ARHGAP28: variants seen among roughly 807,000 people sequenced by gnomAD.
ARHGAP28 encodes the protein rho GTPase-activating protein 28.
Under a neutral mutation model 90.7 loss-of-function variants are expected in ARHGAP28, and 56 were observed. That is an observed-to-expected ratio of 0.62 (90% CI 0.50 to 0.77). The LOEUF is 0.77. ARHGAP28 is among the 30% of genes least tolerant of loss of function. The probability of loss-of-function intolerance (pLI) is 0.00; values close to 1 mark genes in which losing one functional copy is unlikely to be tolerated. For synonymous variants in ARHGAP28, 308 were observed against 323.3 expected, an observed-to-expected ratio of 0.95 and a Z score of 0.51; for missense variants, 869 against 900.9, an observed-to-expected ratio of 0.96 and a Z score of 0.45.
At chr18:6,771,288 C>T (rs763195525) in intron 1 of ARHGAP28, among the ~76,000 whole-genome samples, 11 of 152,064 alleles carry the variant, frequency 7.2e-5, no homozygotes, top group Non-Finnish European at 1.3e-4. Flanking sequence ...AATTAAATCC[C>T]CCTGCCTCAG....
intron 16 of ARHGAP28, among the ~76,000 whole-genome samples, chr18:6,904,062 A>G (rs2057352225): frequency 6.6e-6 from 1 of 152,174 alleles, no homozygotes; most frequent in African/African-American, 2.4e-5. Flanking sequence ...AGCAAAATAA[A>G]AAAAATACCT....
intron 1 of ARHGAP28, among the ~76,000 whole-genome samples, chr18:6,754,252 C>A (rs2056092019): frequency 1.3e-5 from 2 of 152,118 alleles, no homozygotes; most frequent in Non-Finnish European, 2.9e-5. Context: ...AACGGTACCA[C>A]AAATCCAACA....
intron 1 of ARHGAP28, among the ~76,000 whole-genome samples, chr18:6,763,873 C>T (rs542979027): frequency 2.0e-5 from 3 of 152,310 alleles, no homozygotes; most frequent in Non-Finnish European, 2.9e-5. Context: ...TCCCTCTTCT[C>T]TCTCCACAGT....
At chr18:6,858,148 G>A (rs1346040642) in intron 4 of ARHGAP28, among the ~76,000 whole-genome samples, 3 of 151,326 alleles carry the variant, frequency 2.0e-5, no homozygotes, top group Non-Finnish European at 2.9e-5. Context: ...AATTTAGATC[G>A]CTTTTTTTTT....
chr18:6,859,152 A>C lies in ARHGAP28; in HGVS notation c.637-656A>C, dbSNP rs994153379. Among the ~76,000 whole-genome samples, 8 of 152,312 alleles carry C rather than the reference A, an allele frequency of 5.3e-5. 1 individual carries two copies. Among genetic ancestry groups the C allele is most frequent in the Admixed American group, 2.0e-4 (3 of 15,300 alleles). Reference sequence around the variant, plus strand: ...ATTCTATTCACTACAAAAAACAGTCATAGAATCTGCTAAAAAAAAATTATG... The same window carrying C: ...ATTCTATTCACTACAAAAAACAGTCCTAGAATCTGCTAAAAAAAAATTATG... On this transcript the variant is annotated intron_variant, in intron 4 of 17. Coordinates refer to ENST00000383472, the MANE Select transcript of ARHGAP28 (RefSeq NM_001366230.1).
intron 3 of ARHGAP28, among the ~76,000 whole-genome samples, chr18:6,841,188 T>TCTCTCTC (rs2056816992): frequency 1.7e-5 from 1 of 60,512 alleles, no homozygotes; most frequent in African/African-American, 9.4e-5. Context: ...CTCCTCTCTC[T>TCTCTCTC]CTCTCTCTCT....
At chr18:6,849,725 T>C (rs1007786899) in intron 3 of ARHGAP28, among the ~76,000 whole-genome samples, 2 of 152,208 alleles carry the variant, frequency 1.3e-5, no homozygotes, top group Non-Finnish European at 1.5e-5. Context: ...CTAAAACTTA[T>C]TCCTTTATTT....
At chr18:6,885,548 A>G (rs540860923) in intron 11 of ARHGAP28, among the ~76,000 whole-genome samples, 99 of 152,296 alleles carry the variant, frequency 6.5e-4, no homozygotes, top group African/African-American at 2.3e-3. Flanking sequence ...CTTTCATTAC[A>G]TGCTTAATAA....
At chr18:6,742,708 G>A (rs1014879364) in intron 1 of ARHGAP28, among the ~76,000 whole-genome samples, 1 of 152,182 alleles carries the variant, frequency 6.6e-6, no homozygotes, top group Non-Finnish European at 1.5e-5. Context: ...AGCATTTGGG[G>A]GATGGTTAAA....
intron 3 of ARHGAP28, among the ~76,000 whole-genome samples, chr18:6,841,208 C>CCTCTCTCTCTCTCTCTCTCTCT (rs369622522): frequency 1.9e-4 from 8 of 43,136 alleles, no homozygotes; most frequent in Non-Finnish European, 3.6e-4. Flanking sequence ...TCTCTCCTCT[C>CCTCTCTCTCTCTCTCTCTCTCT]CTCTCTCTCT....
chr18:6,743,004 G>A (rs902486570), intron 1 of ARHGAP28, among the ~76,000 whole-genome samples: 1 of 152,162 alleles, frequency 6.6e-6, no homozygotes, highest in African/African-American at 2.4e-5. Context: ...GTTTAATAGA[G>A]TTGTAGAGGT....
chr18:6,863,628 CT>C (rs1290000977), intron 5 of ARHGAP28, among the ~76,000 whole-genome samples: 1 of 151,676 alleles, frequency 6.6e-6, no homozygotes, highest in Non-Finnish European at 1.5e-5. Context: ...ACTCTGGGTT[CT>C]TTTCTGTACC....
At chr18:6,870,534 G>T in intron 6 of ARHGAP28, 56 bp from the exon 7 acceptor site, 2 of 1,477,138 alleles carry the variant, frequency 1.4e-6, no homozygotes, top group South Asian at 2.4e-5. Context: ...ATAGCAAATA[G>T]TATTGATTGA....
At chr18:6,795,770 G>A (rs555799453) in intron 1 of ARHGAP28, among the ~76,000 whole-genome samples, 69 of 152,304 alleles carry the variant, frequency 4.5e-4, no homozygotes, top group African/African-American at 1.6e-3. Context: ...CAAGCTGGGT[G>A]TAGCCCCTAT....
intron 1 of ARHGAP28, among the ~76,000 whole-genome samples, chr18:6,763,600 C>G (rs2056178740): frequency 6.6e-6 from 1 of 152,192 alleles, no homozygotes; most frequent in South Asian, 2.1e-4. Context: ...TAATTTTCTT[C>G]TCTGCTAGTC....
intron 16 of ARHGAP28, among the ~76,000 whole-genome samples, chr18:6,902,530 A>G (rs1010464122): frequency 9.2e-5 from 14 of 152,204 alleles, no homozygotes; most frequent in African/African-American, 3.1e-4. Flanking sequence ...TTATCTTTCT[A>G]TTTTAAAAAT....
chr18:6,737,487 A>G (rs1381425329), intron 1 of ARHGAP28, among the ~76,000 whole-genome samples: 4 of 152,092 alleles, frequency 2.6e-5, no homozygotes, highest in Non-Finnish European at 5.9e-5. Flanking sequence ...ATGCTTTGTA[A>G]TTTACTTTTG....
chr18:6,831,488 C>CTTTTTTTTTTTTTTCT (rs76200243), intron 2 of ARHGAP28, among the ~76,000 whole-genome samples: 102 of 69,572 alleles, frequency 1.5e-3, no homozygotes, highest in African/African-American at 4.8e-3. Flanking sequence ...TTTTTTTTTT[C>CTTTTTTTTTTTTTTCT]TTTTTTTTTT....
Position 6,882,244 on chromosome 18 carries a change from A to G in ARHGAP28, c.1398A>G (p.Leu466=), listed in dbSNP as rs1441287040. ...TGTTGAAAGCGTTTTTCAGAGAACTACCCACCTCTCTCTTCCCTGTGGAAT... is the reference window on the plus strand; with the variant it reads ...TGTTGAAAGCGTTTTTCAGAGAACTGCCCACCTCTCTCTTCCCTGTGGAAT... The part of the protein sequence containing the change: ...AVMLKAFFRE[L]PTSLFPVEYI... The change falls in exon 11 of 18, where the codon CTA becomes CTG. Residue 466 remains leucine (L), a synonymous_variant. Transcript: ENST00000383472. 1.2e-6 allele frequency: 2 copies of G among 1,613,904 alleles called. No individual in the cohort carries two copies. Among genetic ancestry groups the G allele is most frequent in the African/African-American group, 2.7e-5 (2 of 74,910 alleles).
Sources: gnomAD v4.1 joint callset for allele counts (sites outside exome capture counted in the v4.1 genomes callset) on GRCh38, gnomAD v4.1.1 for gene constraint, MANE v1.5 for transcripts, NCBI Gene and HGNC (gene_info 2026-07-23, HGNC 2026-07-21) for gene names.